Variants in NAV3 observed in about 807,000 individuals in gnomAD.
NAV3 encodes the protein neuron navigator 3.
A neutral mutation model predicts 244.7 loss-of-function variants in NAV3; 87 were observed. The ratio of observed to expected loss-of-function variants is 0.36; its 90% CI spans 0.30 to 0.42. The LOEUF is 0.42. Ranked by LOEUF, NAV3 falls within the 20% of genes least tolerant of loss-of-function variation. The pLI is 1.00. For synonymous variants in NAV3, 1,126 were observed against 1,042.2 expected (o/e 1.08, Z -1.55); for missense variants, 2,663 against 2,893.3 (o/e 0.92, Z 1.83).
At chr12:78,075,623 G>A (rs995152152) in intron 12 of NAV3, among the ~76,000 whole-genome samples, 8 of 152,094 alleles carry the variant, frequency 5.3e-5, no homozygotes, top group African/African-American at 1.9e-4. Flanking sequence ...TAAAATTTTA[G>A]TTTTAAGTGA....
intron 1 of NAV3, among the ~76,000 whole-genome samples, chr12:77,859,235 T>C (rs1042440683): frequency 2.6e-5 from 4 of 152,068 alleles, no homozygotes; most frequent in African/African-American, 7.2e-5. Context: ...AATCTTAGCA[T>C]ATTTTATCAT....
At chr12:77,731,534 C>G (rs1877127541) in intron 2 of NAV3, among the ~76,000 whole-genome samples, 1 of 151,892 alleles carries the variant, frequency 6.6e-6, no homozygotes, top group African/African-American at 2.4e-5. Context: ...TTGGCAAATT[C>G]TAGCCAGGGT....
rs199897368 is a variant in NAV3 at position 77,968,694 on chromosome 12, G to T, written c.663G>T (p.Met221Ile). 2.7e-4 allele frequency: 429 copies of T among 1,613,718 alleles called. 1 individual carries two copies. In the Admixed American group the frequency reaches 6.4e-3, roughly 24 times the overall value. ...GCCAGGCCAAAACCCAGCAAGATATGCAGTCCAGGTAAGGAAAGGAAGTAG... is the reference window on the plus strand; with the variant it reads ...GCCAGGCCAAAACCCAGCAAGATATTCAGTCCAGGTAAGGAAAGGAAGTAG... Reference protein sequence around the residue: ...EASQAKTQQDMQSSLAARYAT... With the variant: ...EASQAKTQQDIQSSLAARYAT... The change falls in exon 5 of 40, where the codon ATG (methionine) becomes ATT (isoleucine). Residue 221 changes from methionine (M) to isoleucine (I), a missense_variant. By Grantham distance (10) the Met-to-Ile change is conservative. Around this residue, in one of 6 missense-constraint regions of NAV3, gnomAD observed 1,521 missense variants for 1,497.0 expected, o/e 1.02. Transcript: ENST00000397909.
At chr12:77,772,056 CATG>C (rs1870119256) in intron 2 of NAV3, among the ~76,000 whole-genome samples, 1 of 152,114 alleles carries the variant, frequency 6.6e-6, no homozygotes, top group Non-Finnish European at 1.5e-5. Context: ...ATGTACTAAA[CATG>C]GTGCAAAGGA....
chr12:77,604,510 A>G (rs903161358), intron 2 of NAV3, among the ~76,000 whole-genome samples: 4 of 152,050 alleles, frequency 2.6e-5, no homozygotes, highest in Non-Finnish European at 5.9e-5. Flanking sequence ...TAAATATTTT[A>G]TATATAAGTA....
At chr12:77,675,579 T>A (rs530090811) in intron 2 of NAV3, among the ~76,000 whole-genome samples, 12 of 152,330 alleles carry the variant, frequency 7.9e-5, no homozygotes, top group African/African-American at 2.9e-4. Flanking sequence ...CTAGAAAGAT[T>A]GTCATGTAAA....
At chr12:77,652,884 G>A (rs1872890915) in intron 2 of NAV3, among the ~76,000 whole-genome samples, 1 of 152,306 alleles carries the variant, frequency 6.6e-6, no homozygotes, top group South Asian at 2.1e-4. Flanking sequence ...TGAAGTGAAA[G>A]CAATGCTAGA....
At chr12:77,794,090 T>C (rs1235880943) in intron 2 of NAV3, among the ~76,000 whole-genome samples, 1 of 152,238 alleles carries the variant, frequency 6.6e-6, no homozygotes, top group Non-Finnish European at 1.5e-5. Flanking sequence ...TGAGCTTTTT[T>C]TCATATGTTT....
chr12:78,088,496 G>A (rs1953752450), intron 12 of NAV3, among the ~76,000 whole-genome samples: 1 of 151,994 alleles, frequency 6.6e-6, no homozygotes, highest in South Asian at 2.1e-4. Context: ...TTAGTTTGTT[G>A]ACATGCGCTA....
chr12:77,782,209 G>A (rs902581353), intron 2 of NAV3, among the ~76,000 whole-genome samples: 23 of 152,062 alleles, frequency 1.5e-4, no homozygotes, highest in Non-Finnish European at 2.5e-4. Context: ...TTCAGCCTAA[G>A]CAGCACATTG....
At chr12:77,968,386 T>C (rs1892695416) in intron 4 of NAV3, 133 bp from the exon 5 acceptor site, 1 of 715,580 alleles carries the variant, frequency 1.4e-6, no homozygotes, top group South Asian at 1.8e-5. Context: ...TTGTTTGTGA[T>C]TCAACTGTGA....
chr12:78,162,426 A>G (rs1957583882), intron 23 of NAV3, among the ~76,000 whole-genome samples: 1 of 152,070 alleles, frequency 6.6e-6, no homozygotes, highest in Non-Finnish European at 1.5e-5. Context: ...CTATAGACAT[A>G]CCTATCTACT....
At chr12:77,573,182 A>G (rs1400561046) in intron 2 of NAV3, among the ~76,000 whole-genome samples, 1 of 152,180 alleles carries the variant, frequency 6.6e-6, no homozygotes, top group Non-Finnish European at 1.5e-5. Context: ...TTGTTTTTAC[A>G]TCAGTCTTAG....
intron 22 of NAV3, 117 bp downstream of exon 22, chr12:78,149,036 A>G (rs1956971406): frequency 1.2e-6 from 1 of 800,116 alleles, no homozygotes; most frequent in Non-Finnish European, 2.0e-6. Context: ...ATTACCAACT[A>G]GCAGGACTCA....
chr12:77,982,808 T>G (rs1035095558), intron 5 of NAV3, among the ~76,000 whole-genome samples: 1 of 152,158 alleles, frequency 6.6e-6, no homozygotes, highest in Non-Finnish European at 1.5e-5. Flanking sequence ...TATCTGTGGT[T>G]AAAGAATCCA....
At chr12:77,968,061 C>G (rs1281782534) in intron 4 of NAV3, among the ~76,000 whole-genome samples, 1 of 152,138 alleles carries the variant, frequency 6.6e-6, no homozygotes, top group African/African-American at 2.4e-5. Context: ...TTAGGAGGTG[C>G]ACCCACATCA....
chr12:77,636,887 A>G (rs1264865347), intron 2 of NAV3, among the ~76,000 whole-genome samples: 23 of 152,162 alleles, frequency 1.5e-4, no homozygotes, highest in Admixed American at 1.5e-3. Flanking sequence ...AACTAACACA[A>G]GAACAGAAAA....
At chr12:77,718,285 G>C (rs1246203129) in intron 2 of NAV3, among the ~76,000 whole-genome samples, 1 of 151,704 alleles carries the variant, frequency 6.6e-6, no homozygotes, top group African/African-American at 2.4e-5. Context: ...TTATTTTTTT[G>C]CATGCGGATT....
chr12:78,121,983 A>C lies in NAV3; in HGVS notation c.3793A>C (p.Asn1265His), dbSNP rs567642002. 1 of 1,614,184 alleles carries C rather than the reference A, an allele frequency of 6.2e-7. No individual in the cohort carries two copies. Among genetic ancestry groups the C allele is most frequent in the African/African-American group, 1.3e-5 (1 of 75,046 alleles). The change falls in exon 16 of 40, where the codon AAT (asparagine) becomes CAT (histidine). Residue 1265 changes from asparagine to histidine, a missense_variant. This residue lies in a region of NAV3 where 354 missense variants were observed against 413.0 expected (regional missense o/e 0.86). Transcript: ENST00000397909. Reference sequence around the variant, plus strand: ...AGGTGGCAAATCTGCCTCTGCACCTAATACTGAGGGTGTGAAATCTTCCTC... The same window carrying C: ...AGGTGGCAAATCTGCCTCTGCACCTCATACTGAGGGTGTGAAATCTTCCTC... ...KAGGKSASAP[N>H]TEGVKSSSVM...
Sources: gnomAD v4.1 joint callset for allele counts (sites outside exome capture counted in the v4.1 genomes callset) on GRCh38, gnomAD v4.1.1 for gene constraint, gnomAD v4.1.1 regional missense constraint, MANE v1.5 for transcripts, NCBI Gene and HGNC (gene_info 2026-07-23, HGNC 2026-07-21) for gene names.